Variants in IKZF2 observed in about 807,000 individuals in gnomAD.
IKZF2 encodes the protein zinc finger protein Helios.
IKZF2 carries 15 observed loss-of-function variants against 49.2 expected under a neutral mutation model. That is an observed-to-expected ratio of 0.30 (90% CI 0.20 to 0.47). IKZF2 has a LOEUF of 0.47. IKZF2 is among the 20% of genes least tolerant of loss of function. IKZF2 has a pLI of 1.00. For missense variants in IKZF2, 567 were observed against 664.6 expected, an observed-to-expected ratio of 0.85 and a Z score of 1.61; for synonymous variants, 227 against 221.4, an observed-to-expected ratio of 1.03 and a Z score of -0.23.
At chr2:213,143,409 G>T (rs1480460205) in intron 4 of IKZF2, among the ~76,000 whole-genome samples, 1 of 151,876 alleles carries the variant, frequency 6.6e-6, no homozygotes, top group Admixed American at 6.6e-5. Context: ...GAGGTGCAAA[G>T]AAAAAGTTAC....
chr2:213,087,810 G>A (rs944500395), intron 4 of IKZF2, among the ~76,000 whole-genome samples: 3 of 152,134 alleles, frequency 2.0e-5, no homozygotes, highest in Non-Finnish European at 4.4e-5. Context: ...CTTCATCCAT[G>A]TCCCTACAAA....
intron 6 of IKZF2, among the ~76,000 whole-genome samples, chr2:213,030,686 G>C (rs1244683556): frequency 1.3e-5 from 2 of 151,248 alleles, no homozygotes; most frequent in Admixed American, 1.3e-4. Flanking sequence ...ACTAAATATA[G>C]TACAATTTTT....
intron 6 of IKZF2, among the ~76,000 whole-genome samples, chr2:213,030,834 G>A (rs1267643261): frequency 7.1e-6 from 1 of 141,410 alleles, no homozygotes; most frequent in Admixed American, 7.0e-5. Flanking sequence ...TTTTTGTTTG[G>A]TGAGATGGAG....
intron 7 of IKZF2, chr2:213,014,192 G>A (rs1289838542): frequency 8.1e-6 from 2 of 246,742 alleles, no homozygotes; most frequent in Non-Finnish European, 7.8e-6. Flanking sequence ...TGGCAAACTT[G>A]TTCATGTGGT....
intron 6 of IKZF2, among the ~76,000 whole-genome samples, chr2:213,022,687 A>G (rs1312389204): frequency 6.6e-6 from 1 of 152,216 alleles, no homozygotes; most frequent in African/African-American, 2.4e-5. Context: ...CACCTTGGTA[A>G]CAACTATTCA....
chr2:213,019,586 G>A (rs1404648264), intron 7 of IKZF2, among the ~76,000 whole-genome samples: 1 of 152,196 alleles, frequency 6.6e-6, no homozygotes, highest in Non-Finnish European at 1.5e-5. Context: ...AGTATGGTAT[G>A]AAATGGCATG....
At chr2:213,064,959 C>T (rs1347931647) in intron 4 of IKZF2, among the ~76,000 whole-genome samples, 1 of 152,052 alleles carries the variant, frequency 6.6e-6, no homozygotes, top group Non-Finnish European at 1.5e-5. Context: ...ACTGCCTACA[C>T]ATTAAATACA....
chr2:213,024,030 T>C (rs1487181383), intron 6 of IKZF2, among the ~76,000 whole-genome samples: 3 of 152,166 alleles, frequency 2.0e-5, no homozygotes, highest in African/African-American at 7.2e-5. Context: ...AGTTTTTATG[T>C]TTTCTACTCA....
intron 7 of IKZF2, among the ~76,000 whole-genome samples, chr2:213,017,480 T>C (rs1042752598): frequency 4.6e-5 from 7 of 152,182 alleles, no homozygotes; most frequent in African/African-American, 1.7e-4. Context: ...AATTACCATA[T>C]CACTGAATGA....
chr2:213,124,238 GCTCGCGCGCGCGCGCACACACA>G (rs2060156268), intron 4 of IKZF2, among the ~76,000 whole-genome samples: 1 of 117,374 alleles, frequency 8.5e-6, no homozygotes, highest in African/African-American at 4.2e-5. Context: ...GCACACATGC[GCTCGCGCGCGCGCGCACACACA>G]CACACACACA....
intron 4 of IKZF2, among the ~76,000 whole-genome samples, chr2:213,116,423 C>G (rs1291558856): frequency 2.0e-5 from 3 of 152,148 alleles, no homozygotes; most frequent in Non-Finnish European, 4.4e-5. Flanking sequence ...GCCTAATACA[C>G]AGTAAATGCT....
chr2:213,031,149 T>C (rs1698390282), intron 6 of IKZF2, among the ~76,000 whole-genome samples: 1 of 152,200 alleles, frequency 6.6e-6, no homozygotes, highest in African/African-American at 2.4e-5. Context: ...TTACTCTTCT[T>C]TAACAGGATG....
At chr2:213,030,812 CTTTTTTT>C (rs918257825) in intron 6 of IKZF2, among the ~76,000 whole-genome samples, 37 of 133,700 alleles carry the variant, frequency 2.8e-4, no homozygotes, top group Middle Eastern at 3.8e-3. Flanking sequence ...TACTATTTTT[CTTTTTTT>C]TTTTTTTTTG....
At chr2:213,150,678 C>G (rs964903566) in intron 1 of IKZF2, among the ~76,000 whole-genome samples, 15 of 117,300 alleles carry the variant, frequency 1.3e-4, no homozygotes, top group Non-Finnish European at 2.2e-4. Context: ...CGACCAAAAG[C>G]TAAGACAAGA....
chr2:213,031,447 T>A (rs1250109287), intron 6 of IKZF2, among the ~76,000 whole-genome samples: 1 of 152,204 alleles, frequency 6.6e-6, no homozygotes, highest in Non-Finnish European at 1.5e-5. Context: ...TCACAGACAT[T>A]TGAAAGCAAA....
At chr2:213,084,184 C>T (rs950205641) in intron 4 of IKZF2, among the ~76,000 whole-genome samples, 12 of 152,110 alleles carry the variant, frequency 7.9e-5, no homozygotes, top group African/African-American at 2.9e-4. Flanking sequence ...GATTTTGCAT[C>T]CCAAACCTGT....
upstream of IKZF2, among the ~76,000 whole-genome samples, chr2:213,151,895 C>T (rs1362714034): frequency 2.1e-4 from 31 of 150,858 alleles, no homozygotes; most frequent in Non-Finnish European, 1.5e-5. Context: ...GTGCGCGTGT[C>T]TGCGCGCTAA....
chr2:213,024,442 C>T (rs1028990203), intron 6 of IKZF2, among the ~76,000 whole-genome samples: 14 of 152,084 alleles, frequency 9.2e-5, no homozygotes, highest in African/African-American at 3.4e-4. Context: ...GGCAGACAGA[C>T]ATTTAAAAAA....
intron 4 of IKZF2, among the ~76,000 whole-genome samples, chr2:213,116,109 A>G (rs775617469): frequency 1.3e-5 from 2 of 152,220 alleles, no homozygotes; most frequent in South Asian, 2.1e-4. Flanking sequence ...AACAAAAATC[A>G]TATTATTACC....
Sources: gnomAD v4.1 joint callset for allele counts (sites outside exome capture counted in the v4.1 genomes callset) on GRCh38, gnomAD v4.1.1 for gene constraint, MANE v1.5 for transcripts, NCBI Gene and HGNC (gene_info 2026-07-23, HGNC 2026-07-21) for gene names.